Variants in CELF2 observed in about 807,000 individuals in gnomAD.
The protein encoded by CELF2 is CUG triplet repeat RNA-binding protein 2.
A neutral mutation model predicts 62.6 loss-of-function variants in CELF2; 8 were observed. The observed-to-expected ratio is 0.13, with a 90% CI of 0.07 to 0.23. CELF2 has a LOEUF of 0.23. Among genes scored for constraint, CELF2 ranks in the 10% least tolerant of loss-of-function variants. The probability of loss-of-function intolerance (pLI) is 1.00; values close to 1 mark genes in which losing one functional copy is unlikely to be tolerated. For missense variants in CELF2, 333 were observed against 671.0 expected, an observed-to-expected ratio of 0.50 and a Z score of 5.56; for synonymous variants, 258 against 250.0, an observed-to-expected ratio of 1.03 and a Z score of -0.30.
the CELF2 span, among the ~76,000 whole-genome samples, chr10:10,728,487 A>T: frequency 1.3e-5 from 2 of 151,562 alleles, no homozygotes; most frequent in South Asian, 4.2e-4. Flanking sequence ...GAGAGAAAAA[A>T]ATGCAAGCAA....
intron 1 of CELF2, among the ~76,000 whole-genome samples, chr10:11,111,883 G>A (rs2055268524): frequency 6.6e-6 from 1 of 152,202 alleles, no homozygotes; most frequent in Non-Finnish European, 1.5e-5. Context: ...TTTGAATTTG[G>A]TTGACTTATA....
rs2072058850 is a variant in CELF2 at position 11,178,474 on chromosome 10, G to A, written c.271+12792G>A. ...CTGTGAAGGAAGAAAAAGACTTGGG[G>A]AAAGGTAATGAATAAATTAAAGACA... On this transcript the variant is annotated intron_variant, in intron 2 of 12. Transcript: ENST00000633077. This position sits in a 1 kb window ranked among gnomAD's most constrained non-coding sequence, Gnocchi z 4.3. 6.6e-6 allele frequency among the ~76,000 whole-genome samples: 1 copy of A among 152,254 alleles called. No individual in the cohort carries two copies. Among genetic ancestry groups the A allele is most frequent in the Non-Finnish European group, 1.5e-5 (1 of 68,038 alleles).
At chr10:11,250,239 C>T (rs978704900) in intron 4 of CELF2, among the ~76,000 whole-genome samples, 5 of 152,206 alleles carry the variant, frequency 3.3e-5, no homozygotes, top group South Asian at 2.1e-4. Flanking sequence ...CAGAAGGCAG[C>T]GGCCCATACC....
chr10:10,929,694 A>G (rs1309954673), intron 2 of CELF2: 1 of 152,214 alleles, frequency 6.6e-6, no homozygotes, highest in Non-Finnish European at 1.5e-5. Context: ...TGTTCTGACA[A>G]GTAAGTGAAA....
intron 1 of CELF2, among the ~76,000 whole-genome samples, chr10:10,846,503 C>G (rs998221786): frequency 6.6e-6 from 1 of 152,178 alleles, no homozygotes; most frequent in Admixed American, 6.5e-5. Flanking sequence ...GTATGTGATC[C>G]TTTCCCTGTC....
At chr10:10,850,293 A>C (rs1362218065) in intron 1 of CELF2, among the ~76,000 whole-genome samples, 1 of 152,240 alleles carries the variant, frequency 6.6e-6, no homozygotes, top group Non-Finnish European at 1.5e-5. Flanking sequence ...AACATGTGGC[A>C]GGATTTTCTC....
chr10:10,736,396 C>CTTTCTTTCTTTCTTTCTTT, the CELF2 span, among the ~76,000 whole-genome samples: 51 of 75,980 alleles, frequency 6.7e-4, no homozygotes, highest in African/African-American at 2.2e-3. Flanking sequence ...TTCTTTCTTT[C>CTTTCTTTCTTTCTTTCTTT]TTTTTTTTTT....
At chr10:11,014,521 G>T (rs897253254), upstream of CELF2, among the ~76,000 whole-genome samples, 3 of 152,166 alleles carry the variant, frequency 2.0e-5, no homozygotes, top group Non-Finnish European at 2.9e-5. Flanking sequence ...CTGTATTCTG[G>T]TTCACTGATT....
At chr10:10,899,003 T>C (rs900177338) in intron 1 of CELF2, among the ~76,000 whole-genome samples, 12 of 152,176 alleles carry the variant, frequency 7.9e-5, no homozygotes, top group African/African-American at 2.9e-4. Context: ...ATGGGTCAAA[T>C]ACATCAAATG....
chr10:11,160,851 T>G (rs1276418936), intron 1 of CELF2, among the ~76,000 whole-genome samples: 2 of 152,232 alleles, frequency 1.3e-5, no homozygotes, highest in Non-Finnish European at 2.9e-5. Flanking sequence ...ATAGCCATTT[T>G]GTAAGTTTGT....
intron 1 of CELF2, among the ~76,000 whole-genome samples, chr10:10,884,187 T>A (rs1252269183): frequency 1.3e-5 from 2 of 152,198 alleles, no homozygotes; most frequent in African/African-American, 4.8e-5. Context: ...TAAACGATCA[T>A]CTTGAAGGTC....
chr10:10,936,856 T>C lies in CELF2; in HGVS notation c.89+16857T>C, dbSNP rs528309099. On this transcript the variant is annotated intron_variant, in intron 2 of 13. Transcript: ENST00000636488. The surrounding 1 kb of genome is among the most constrained non-coding windows in gnomAD (Gnocchi z 4.0). ...AATGCATGTTCTGATTCAGCTGGTC[T>C]GGGGCAAAACCTGAAATTCTGTATT... Among the ~76,000 whole-genome samples, 1 of 152,282 alleles carries C rather than the reference T, an allele frequency of 6.6e-6. No homozygotes were observed. Among genetic ancestry groups the C allele is most frequent in the Non-Finnish European group, 1.5e-5 (1 of 68,030 alleles).
the CELF2 span, among the ~76,000 whole-genome samples, chr10:10,556,545 C>T: frequency 1.3e-5 from 2 of 152,118 alleles, no homozygotes; most frequent in African/African-American, 4.8e-5. Context: ...TGGGTATATA[C>T]CCAGTAATGG....
At chr10:10,712,152 A>AAG in the CELF2 span, among the ~76,000 whole-genome samples, 3 of 140,394 alleles carry the variant, frequency 2.1e-5, no homozygotes, top group Non-Finnish European at 4.6e-5. Context: ...AGAGACAAAA[A>AAG]AAAAAAAAAA....
At chr10:11,287,001 A>C (rs1258674395) in intron 8 of CELF2, among the ~76,000 whole-genome samples, 1 of 152,204 alleles carries the variant, frequency 6.6e-6, no homozygotes, top group African/African-American at 2.4e-5. Flanking sequence ...AGGCCAGGGC[A>C]GAAGAGTGCT....
At chr10:10,915,479 C>T (rs1009777024) in intron 1 of CELF2, among the ~76,000 whole-genome samples, 2 of 152,196 alleles carry the variant, frequency 1.3e-5, no homozygotes, top group African/African-American at 4.8e-5. Flanking sequence ...GATCACAGCT[C>T]ACTGCATCCT....
rs937969217 is a variant in CELF2, at chr10:11,255,321, G to C, written c.404-2417G>C. ...TGAACACAAGCAGTGGCTCAGGCCA[G>C]CTGATGCTTTCCTCACTGAGCTCCT... On this transcript the variant is annotated intron_variant, in intron 4 of 12. Coordinates refer to ENST00000633077, the MANE Select transcript of CELF2 (RefSeq NM_001326342.2). The surrounding 1 kb of genome is among the most constrained non-coding windows in gnomAD (Gnocchi z 5.5). 3.3e-5 allele frequency among the ~76,000 whole-genome samples: 5 copies of C among 152,208 alleles called. No homozygotes were observed. The highest frequency in any genetic ancestry group is 7.3e-5 in the Non-Finnish European group (5 of 68,040).
intron 1 of CELF2, among the ~76,000 whole-genome samples, chr10:10,915,360 G>A (rs1226676336): frequency 6.6e-6 from 1 of 152,154 alleles, no homozygotes; most frequent in African/African-American, 2.4e-5. Flanking sequence ...CAGGCACTGA[G>A]TATTCAACAT....
chr10:10,599,317 G>A, the CELF2 span, among the ~76,000 whole-genome samples: 1 of 152,174 alleles, frequency 6.6e-6, no homozygotes, highest in Non-Finnish European at 1.5e-5. Context: ...CTTGTAAAAT[G>A]AAGATTAAAA....
Sources: gnomAD v4.1 joint callset for allele counts (sites outside exome capture counted in the v4.1 genomes callset) on GRCh38, gnomAD v4.1.1 for gene constraint, Gnocchi (gnomAD v3.1) non-coding constraint, MANE v1.5 for transcripts, NCBI Gene and HGNC (gene_info 2026-07-23, HGNC 2026-07-21) for gene names.